The following FRMPD4 variants were observed in gnomAD, a reference collection of about 807,000 sequenced individuals.
FRMPD4 encodes the protein FERM and PDZ domain-containing protein 4.
A neutral mutation model predicts 94.1 loss-of-function variants in FRMPD4; 22 were observed. The observed-to-expected ratio is 0.23, with a 90% CI of 0.17 to 0.33. The LOEUF (loss-of-function observed/expected upper bound fraction) is 0.33. Ranked by LOEUF, FRMPD4 falls within the 10% of genes least tolerant of loss-of-function variation. The pLI, the probability that FRMPD4 is intolerant of heterozygous loss-of-function variation, is 1.00. For synonymous variants in FRMPD4, 631 were observed against 548.6 expected, an observed-to-expected ratio of 1.15 and a Z score of -2.10; for missense variants, 1,111 against 1,339.9, an observed-to-expected ratio of 0.83 and a Z score of 2.67.
chrX:12,115,631 C>CT (rs56008491), intron 3 of FRMPD4, among the ~76,000 whole-genome samples: 5,804 of 101,609 alleles, frequency 0.057, 414 homozygotes, highest in African/African-American at 0.2. Flanking sequence ...ATGCTGGCCT[C>CT]TTTTTTTTTT....
chrX:12,147,965 G>T (rs1047582597), intron 1 of FRMPD4, among the ~76,000 whole-genome samples: 7 of 111,841 alleles, frequency 6.3e-5, no homozygotes, highest in African/African-American at 2.3e-4. Context: ...TAAATGTTGT[G>T]TGTGTTCTGA....
At chrX:12,498,647 G>T in intron 1 of FRMPD4, 33 bp from the exon 2 acceptor site, 2 of 773,326 alleles carry the variant, frequency 2.6e-6, no homozygotes, top group Non-Finnish European at 4.0e-6. Context: ...CAGGAGTCAG[G>T]TGTAATGATG....
chrX:12,408,741 A>T (rs2056696473), intron 1 of FRMPD4, among the ~76,000 whole-genome samples: 1 of 111,853 alleles, frequency 8.9e-6, no homozygotes, highest in African/African-American at 3.2e-5. Flanking sequence ...ATAGGAAATT[A>T]TTAGAAAGAT....
chrX:12,245,969 A>G (rs2053952119), intron 1 of FRMPD4, among the ~76,000 whole-genome samples: 1 of 111,941 alleles, frequency 8.9e-6, no homozygotes, highest in Non-Finnish European at 1.9e-5. Context: ...AGCAACACAA[A>G]ATGGACTAAG....
chrX:12,672,381 T>C (rs2059852756), intron 4 of FRMPD4, among the ~76,000 whole-genome samples: 1 of 112,090 alleles, frequency 8.9e-6, no homozygotes, highest in South Asian at 3.8e-4. Flanking sequence ...AGTAGCTCAG[T>C]TGATCAGGAG....
chrX:11,965,353 G>A (rs1451829588), intron 3 of FRMPD4, among the ~76,000 whole-genome samples: 1 of 112,193 alleles, frequency 8.9e-6, no homozygotes, highest in East Asian at 2.8e-4. Context: ...CTGAATGAAA[G>A]TATCTTCATT....
intron 5 of FRMPD4, among the ~76,000 whole-genome samples, chrX:12,678,653 C>G (rs1381579514): frequency 2.7e-5 from 3 of 111,612 alleles, no homozygotes; most frequent in African/African-American, 3.3e-5. Flanking sequence ...TGGAGAAACC[C>G]CGTCTCTACT....
At chrX:12,602,064 G>A (rs191614131) in intron 2 of FRMPD4, among the ~76,000 whole-genome samples, 57 of 111,654 alleles carry the variant, frequency 5.1e-4, no homozygotes, top group African/African-American at 1.6e-3. Context: ...AAAACCCAAT[G>A]AGAACAAAGC....
intron 4 of FRMPD4, 147 bp from the exon 5 acceptor site, chrX:12,674,716 A>G: frequency 2.1e-6 from 1 of 468,338 alleles, no homozygotes; most frequent in South Asian, 3.6e-5. Flanking sequence ...CTGAAAGCCT[A>G]CATCTGAGCT....
chrX:11,955,081 G>C (rs144165847), intron 3 of FRMPD4, among the ~76,000 whole-genome samples: 118 of 111,014 alleles, frequency 1.1e-3, no homozygotes, highest in African/African-American at 3.8e-3. Context: ...TCTTATAGAC[G>C]GTGCATTCTC....
chrX:11,960,832 G>A (rs1298963949), intron 3 of FRMPD4, among the ~76,000 whole-genome samples: 1 of 111,797 alleles, frequency 8.9e-6, no homozygotes. Context: ...ATACATATTT[G>A]AGTTAAATTG....
intron 15 of FRMPD4, 128 bp from the exon 16 acceptor site, chrX:12,717,373 T>A: frequency 1.9e-6 from 1 of 513,565 alleles, no homozygotes; most frequent in Non-Finnish European, 3.2e-6. Context: ...TGCAATAAAC[T>A]CAGAGTCCTT....
chrX:12,415,445 C>G (rs753174454), intron 1 of FRMPD4, among the ~76,000 whole-genome samples: 2 of 111,712 alleles, frequency 1.8e-5, no homozygotes, highest in African/African-American at 3.3e-5. Flanking sequence ...GGAAAGCAAT[C>G]TGATTGATAT....
At chrX:12,347,764 AT>A (rs2055737128) in intron 1 of FRMPD4, among the ~76,000 whole-genome samples, 1 of 111,835 alleles carries the variant, frequency 8.9e-6, no homozygotes, top group South Asian at 3.7e-4. Context: ...TATTATTTAA[AT>A]TGTTCATCAC....
At chrX:12,078,861 G>T (rs1474276342) in intron 3 of FRMPD4, among the ~76,000 whole-genome samples, 1 of 111,802 alleles carries the variant, frequency 8.9e-6, no homozygotes, top group African/African-American at 3.3e-5. Flanking sequence ...ACACTGGAAA[G>T]TGTCGCTTGG....
chrX:12,500,156 A>C (rs1005577273), intron 2 of FRMPD4, among the ~76,000 whole-genome samples: 2 of 111,589 alleles, frequency 1.8e-5, no homozygotes, highest in Non-Finnish European at 3.8e-5. Flanking sequence ...TGAAATCAGG[A>C]AGTGTGGTTG....
At chrX:12,227,824 GGAGAGA>G (rs750580451) in intron 1 of FRMPD4, among the ~76,000 whole-genome samples, 56 of 94,558 alleles carry the variant, frequency 5.9e-4, no homozygotes, top group Non-Finnish European at 8.0e-4. Context: ...AGAAAGAGAG[GGAGAGA>G]GAGAGAGAGA....
At position 12,087,718 on chromosome X, in the gene FRMPD4, T is replaced by G. The variant is rs188642721; in HGVS notation, c.95+209700T>G. 5.8e-3 allele frequency among the ~76,000 whole-genome samples: 652 copies of G among 112,516 alleles called. 2 individuals are homozygous for G. Among genetic ancestry groups the G allele is most frequent in the Non-Finnish European group, 8.9e-3 (473 of 53,294 alleles). ...ATTGATACGTTTAGGGTTTTTTTCTTTCTTCCCCCCAAAGCATGTAACAAC... is the reference window on the plus strand; with the variant it reads ...ATTGATACGTTTAGGGTTTTTTTCTGTCTTCCCCCCAAAGCATGTAACAAC... On this transcript the variant is annotated intron_variant, in intron 3 of 18. Coordinates refer to the FRMPD4 transcript ENST00000640291.
intron 4 of FRMPD4, among the ~76,000 whole-genome samples, chrX:12,625,929 A>C (rs906451000): frequency 3.6e-5 from 4 of 112,011 alleles, no homozygotes; most frequent in African/African-American, 1.3e-4. Context: ...CTTATGTATC[A>C]ATAAAAAAAG....
Sources: allele counts gnomAD v4.1 joint callset (sites outside exome capture counted in the v4.1 genomes callset), GRCh38; gene constraint gnomAD v4.1.1; transcripts MANE v1.5; gene names NCBI Gene and HGNC (gene_info 2026-07-23, HGNC 2026-07-21).